The following C5orf34 variants were observed in gnomAD, a reference collection of about 807,000 sequenced individuals.
The protein encoded by C5orf34 is chromosome 5 open reading frame 34.
A neutral mutation model predicts 78.4 loss-of-function variants in C5orf34; 73 were observed. The observed-to-expected ratio is 0.93, with a 90% confidence interval of 0.77 to 1.13. The LOEUF is 1.13. C5orf34 is among the 50% of genes most tolerant of loss of function. C5orf34 has a pLI of 0.00. For missense variants in C5orf34, 730 were observed against 732.7 expected (o/e 1.00, Z 0.04); for synonymous variants, 251 against 246.6 (o/e 1.02, Z -0.17).
At chr5:43,513,080 C>A (rs906163022) in intron 1 of C5orf34, among the ~76,000 whole-genome samples, 1 of 152,122 alleles carries the variant, frequency 6.6e-6, no homozygotes, top group Non-Finnish European at 1.5e-5. Context: ...CCGCACCTGG[C>A]CCACCTTGTC....
intron 1 of C5orf34, among the ~76,000 whole-genome samples, chr5:43,512,396 A>T (rs1454260988): frequency 1.3e-5 from 2 of 152,228 alleles, no homozygotes; most frequent in African/African-American, 4.8e-5. Flanking sequence ...ACTCACTACC[A>T]ACCTTCTCTC....
At chr5:43,505,574 G>T in intron 4 of C5orf34, 174 bp downstream of exon 4, 2 of 594,272 alleles carry the variant, frequency 3.4e-6, no homozygotes, top group Non-Finnish European at 5.8e-6. Flanking sequence ...CATGGACACA[G>T]AGTAAAAAAC....
At chr5:43,500,010 A>T (rs983732306) in intron 6 of C5orf34, among the ~76,000 whole-genome samples, 8 of 152,198 alleles carry the variant, frequency 5.3e-5, no homozygotes, top group Non-Finnish European at 8.8e-5. Flanking sequence ...TTTCTCATCA[A>T]TTTCATTTGA....
intron 4 of C5orf34, among the ~76,000 whole-genome samples, 189 bp from the exon 5 acceptor site, chr5:43,503,949 A>G (rs897131256): frequency 1.3e-5 from 2 of 152,138 alleles, no homozygotes; most frequent in Non-Finnish European, 2.9e-5. Context: ...TTTTTTCACT[A>G]TTTTCAATAA....
intron 6 of C5orf34, among the ~76,000 whole-genome samples, chr5:43,498,661 C>T (rs756866361): frequency 6.6e-6 from 1 of 152,192 alleles, no homozygotes; most frequent in Non-Finnish European, 1.5e-5. Flanking sequence ...CTACCACTGC[C>T]TGGCCTTCAC....
intron 11 of C5orf34, chr5:43,488,309 C>T (rs187726625): frequency 1.5e-5 from 3 of 197,120 alleles, no homozygotes; most frequent in Admixed American, 1.2e-4. Flanking sequence ...TATTAAAATC[C>T]CATTCCTTCT....
At chr5:43,497,342 C>T (rs1015510321) in intron 6 of C5orf34, among the ~76,000 whole-genome samples, 3 of 152,184 alleles carry the variant, frequency 2.0e-5, no homozygotes, top group African/African-American at 7.2e-5. Flanking sequence ...TAGGCACTAT[C>T]CTACTCACTT....
At chr5:43,499,058 TAAAG>T (rs1224136299) in intron 6 of C5orf34, among the ~76,000 whole-genome samples, 2 of 152,236 alleles carry the variant, frequency 1.3e-5, no homozygotes, top group Non-Finnish European at 1.5e-5. Context: ...GTGTAGCTGA[TAAAG>T]AACATACATC....
At chr5:43,505,562 T>C in intron 4 of C5orf34, 186 bp downstream of exon 4, 1 of 556,418 alleles carries the variant, frequency 1.8e-6, no homozygotes, top group Non-Finnish European at 3.1e-6. Flanking sequence ...CTACATTCAA[T>C]GCATGGACAC....
rs550784200 is a variant in C5orf34 at position 43,494,702 on chromosome 5, C to T, written c.1153-101G>A. 1.9e-4 allele frequency: 111 copies of T among 570,788 alleles called. No homozygotes were observed. In the South Asian group the frequency reaches 2.4e-3, roughly 12 times the overall value. The allele number at this position is 570,788 out of a possible 1,614,324, so 35.4% of individuals were successfully genotyped here. On this transcript the variant is annotated intron_variant, in intron 6 of 12. Coordinates refer to ENST00000306862, the MANE Select transcript of C5orf34 (RefSeq NM_198566.4). ...ATATGTTTTTACAATAGTGACAAGA[C>T]GAGTAGTTATTTTAACAAAATAAAG...
chr5:43,490,658 G>C lies in C5orf34; in HGVS notation c.1652C>G (p.Ser551Trp). The C allele has an allele frequency of 6.2e-7, 1 of 1,609,402 alleles. No homozygotes were observed. Among genetic ancestry groups the C allele is most frequent in the Non-Finnish European group, 8.5e-7 (1 of 1,176,074 alleles). The change falls in exon 11 of 13, where the codon TCG (serine) becomes TGG (tryptophan). Residue 551 changes from serine (S) to tryptophan (W), a missense_variant. Physicochemically the swap from Ser to Trp is radical, Grantham distance 177. Coordinates refer to ENST00000306862, the MANE Select transcript of C5orf34 (RefSeq NM_198566.4). ...QTSPREMPTHSSSSVLQENWS... is the reference protein window; with the variant it reads ...QTSPREMPTHWSSSVLQENWS... ...ATTTTCTTGGAGAACAGAAGATGAC[G>C]AATGAGTGGGCATCTCTCTGGGACT...
intron 4 of C5orf34, 101 bp downstream of exon 4, chr5:43,505,647 A>G: frequency 7.7e-7 from 1 of 1,303,034 alleles, no homozygotes; most frequent in Non-Finnish European, 1.0e-6. Flanking sequence ...TTTGGATGAG[A>G]TAAACTTTCC....
At chr5:43,491,855 TTA>T (rs578246715) in intron 10 of C5orf34, among the ~76,000 whole-genome samples, 116 of 151,402 alleles carry the variant, frequency 7.7e-4, no homozygotes, top group African/African-American at 2.6e-3. Flanking sequence ...AATACAAAAA[TTA>T]GCCGGGCATG....
At chr5:43,506,420 G>C in intron 3 of C5orf34, 26 bp from the exon 4 acceptor site, 4 of 1,556,520 alleles carry the variant, frequency 2.6e-6, no homozygotes, top group Non-Finnish European at 3.5e-6. Context: ...AAAAGAGACG[G>C]TGAGTATTTT....
In C5orf34 at chr5:43,486,889, A is replaced by G; in HGVS notation, c.*26T>C. The stretch of plus-strand genomic sequence containing the variant: ...CTTGAAACAACATCCTTAAACTTTA[A>G]TAATATGTTGTAATAATTCCATTTT... On this transcript the variant is annotated 3_prime_UTR_variant, in exon 13 of 13. Coordinates refer to ENST00000306862, the MANE Select transcript of C5orf34 (RefSeq NM_198566.4). The G allele has an allele frequency of 1.5e-6, 2 of 1,372,398 alleles. No individual in the cohort carries two copies. Among genetic ancestry groups the G allele is most frequent in the Non-Finnish European group, 1.9e-6 (2 of 1,030,628 alleles). The allele number at this position is 1,372,398 out of a possible 1,614,324, so 85.0% of individuals were successfully genotyped here.
At chr5:43,488,578 T>A (rs1745151038) in intron 11 of C5orf34, 1 of 152,140 alleles carries the variant, frequency 6.6e-6, no homozygotes, top group South Asian at 2.1e-4. Flanking sequence ...AACTATTTTT[T>A]ATTAAATTCT....
chr5:43,511,273 C>G, intron 1 of C5orf34: 1 of 171,590 alleles, frequency 5.8e-6, no homozygotes, highest in South Asian at 1.3e-4. Context: ...AGTGAGGAGC[C>G]CCTCCGCCCG....
At chr5:43,512,827 G>C (rs893198481) in intron 1 of C5orf34, among the ~76,000 whole-genome samples, 2 of 119,732 alleles carry the variant, frequency 1.7e-5, no homozygotes, top group Admixed American at 2.2e-4. Flanking sequence ...TCTGTTGCCA[G>C]GCTGGAGTAG....
intron 5 of C5orf34, among the ~76,000 whole-genome samples, chr5:43,503,250 T>C (rs944484295): frequency 1.2e-4 from 18 of 152,168 alleles, no homozygotes; most frequent in Non-Finnish European, 1.8e-4. Flanking sequence ...CAATGAGTAT[T>C]TGCTTTGTGA....
Sources: gnomAD v4.1 joint callset for allele counts (sites outside exome capture counted in the v4.1 genomes callset) on GRCh38, gnomAD v4.1.1 for gene constraint, MANE v1.5 for transcripts, NCBI Gene and HGNC (gene_info 2026-07-23, HGNC 2026-07-21) for gene names.